Variants in TTLL7 observed in about 807,000 individuals in gnomAD.
TTLL7 encodes tubulin tyrosine ligase like 7.
In TTLL7, 53 loss-of-function variants were observed where a neutral mutation model predicts 120.2. The ratio of observed to expected loss-of-function variants is 0.44; its 90% CI spans 0.35 to 0.55. The LOEUF (loss-of-function observed/expected upper bound fraction) is 0.55. Ranked by LOEUF, TTLL7 falls within the 20% of genes least tolerant of loss-of-function variation. TTLL7 has a pLI of 0.00. For synonymous variants in TTLL7, 353 were observed against 351.7 expected (o/e 1.00, Z -0.04); for missense variants, 803 against 1,054.7 (o/e 0.76, Z 3.31).
intron 14 of TTLL7, 50 bp from the exon 15 acceptor site, chr1:83,911,413 T>C: frequency 7.0e-7 from 1 of 1,432,214 alleles, no homozygotes; most frequent in Non-Finnish European, 9.6e-7. Context: ...AAAAAAGGTT[T>C]ATTGATATGA....
At chr1:83,977,386 G>A (rs188115308) in intron 1 of TTLL7, among the ~76,000 whole-genome samples, 8 of 152,090 alleles carry the variant, frequency 5.3e-5, no homozygotes. Flanking sequence ...TTTCTGGAAT[G>A]TTAACCTTCA....
At chr1:83,918,224 A>C (rs755717626) in intron 13 of TTLL7, among the ~76,000 whole-genome samples, 1 of 152,168 alleles carries the variant, frequency 6.6e-6, no homozygotes, top group Non-Finnish European at 1.5e-5. Context: ...TTAGAACTTT[A>C]TAAAGGTTTT....
At position 83,949,954 on chromosome 1, in the gene TTLL7, T is replaced by C. The variant is rs1248788987; in HGVS notation, c.190A>G (p.Lys64Glu). 1.9e-6 allele frequency: 3 copies of C among 1,613,424 alleles called. No individual in the cohort carries two copies. The highest frequency in any genetic ancestry group is 2.5e-6 in the Non-Finnish European group (3 of 1,179,794). ...CTTGTTTCATCCTCATCTGGAGTTT[T>C]CATAAATCCCATTTCATCTATTACT... is the stretch of plus-strand genomic sequence containing the variant. ...RLVIDEMGFMKTPDEDETSNL... is the reference protein window; with the variant it reads ...RLVIDEMGFMETPDEDETSNL... Residue 64 changes from lysine (K) to glutamate (E), a missense_variant, in exon 4 of 21, where the codon AAA becomes GAA. Physicochemically the swap from Lys to Glu is moderately conservative, Grantham distance 56 (BLOSUM62 1). Coordinates refer to ENST00000260505, the MANE Select transcript of TTLL7 (RefSeq NM_024686.6).
chr1:83,888,422 G>A (rs1557549840), intron 19 of TTLL7, among the ~76,000 whole-genome samples: 1 of 151,410 alleles, frequency 6.6e-6, no homozygotes, highest in Non-Finnish European at 1.5e-5. Flanking sequence ...TTGGTTAATG[G>A]CAGCTAAAAA....
At chr1:83,940,961 G>A (rs1043608493) in intron 7 of TTLL7, among the ~76,000 whole-genome samples, 4 of 151,952 alleles carry the variant, frequency 2.6e-5, no homozygotes, top group African/African-American at 9.7e-5. Flanking sequence ...TGGTTTCTAG[G>A]ACTCACCATC....
chr1:83,908,265 T>C (rs1055617433), intron 15 of TTLL7, among the ~76,000 whole-genome samples: 5 of 151,838 alleles, frequency 3.3e-5, no homozygotes, highest in Non-Finnish European at 5.9e-5. Context: ...GCAAGATTCA[T>C]AGGGAGGGCT....
intron 4 of TTLL7, 73 bp downstream of exon 4, chr1:83,949,792 C>A: frequency 6.5e-7 from 1 of 1,533,312 alleles, no homozygotes; most frequent in Non-Finnish European, 8.9e-7. Context: ...ATATTAAGAA[C>A]CTATCTAAAA....
At chr1:83,907,023 A>G (rs905047681) in intron 16 of TTLL7, among the ~76,000 whole-genome samples, 2 of 152,092 alleles carry the variant, frequency 1.3e-5, no homozygotes, top group Admixed American at 6.6e-5. Flanking sequence ...AACATACAGA[A>G]CACATTATAA....
chr1:83,936,452 C>G (rs1005423364), intron 8 of TTLL7, among the ~76,000 whole-genome samples: 4 of 152,156 alleles, frequency 2.6e-5, no homozygotes, highest in African/African-American at 9.7e-5. Context: ...ATAGTATGAT[C>G]TTCCATCAAT....
rs1653595617 is a variant in TTLL7, at chr1:83,873,165, G to A, written c.2544-3083C>T. On this transcript the variant is annotated intron_variant, in intron 20 of 20. Coordinates refer to ENST00000260505, the MANE Select transcript of TTLL7 (RefSeq NM_024686.6). ...AAACCTAAACTTTTTCATAGAAGCA[G>A]AAAAAGATGAAACTTTTTATTAAGA... is the stretch of plus-strand genomic sequence containing the variant. 2.6e-5 allele frequency among the ~76,000 whole-genome samples: 4 copies of A among 152,210 alleles called. No individual in the cohort carries two copies. The South Asian group carries it at 6.2e-4, about 24-fold the overall frequency.
chr1:83,869,535 T>C lies in TTLL7; in HGVS notation c.*427A>G, dbSNP rs1430202917. On this transcript the variant is annotated 3_prime_UTR_variant, in exon 21 of 21. Coordinates refer to ENST00000260505, the MANE Select transcript of TTLL7 (RefSeq NM_024686.6). The stretch of plus-strand genomic sequence containing the variant: ...ATATATGAGAATTTTTAAGGTATTA[T>C]ACTAAACCCTTTTTCAGGTCAAAAG... 2 of 153,998 alleles carry C rather than the reference T, an allele frequency of 1.3e-5. No individual in the cohort carries two copies. The highest frequency in any genetic ancestry group is 3.8e-4 in the East Asian group (2 of 5,236). 9.5% of individuals were successfully genotyped at this position (153,998 alleles called of 1,614,324 possible).
intron 8 of TTLL7, among the ~76,000 whole-genome samples, chr1:83,935,258 G>A (rs1464867630): frequency 4.6e-5 from 7 of 152,114 alleles, no homozygotes; most frequent in South Asian, 2.1e-4. Flanking sequence ...AACTTTGACT[G>A]ATAAGTATCT....
At chr1:83,892,407 TATATATGAACATATATATGA>T (rs1655639883) in intron 18 of TTLL7, among the ~76,000 whole-genome samples, 1 of 127,248 alleles carries the variant, frequency 7.9e-6, no homozygotes, top group Non-Finnish European at 1.7e-5. Context: ...TATATGAACA[TATATATGAACATATATATGA>T]ACATATATAT....
chr1:83,991,451 G>C (rs1163243976), intron 1 of TTLL7, among the ~76,000 whole-genome samples: 6 of 152,112 alleles, frequency 3.9e-5, no homozygotes, highest in Admixed American at 1.3e-4. Context: ...TTTGAGACCA[G>C]CTTGGGCAAT....
intron 10 of TTLL7, among the ~76,000 whole-genome samples, chr1:83,926,142 A>G (rs756651824): frequency 6.5e-4 from 99 of 151,876 alleles, no homozygotes; most frequent in Non-Finnish European, 1.1e-3. Context: ...CAGTAAATAC[A>G]TATGAGTGAT....
Position 83,947,314 on chromosome 1 carries a change from T to A in TTLL7, c.348-32A>T, listed in dbSNP as rs773419802. 1.9e-6 allele frequency: 3 copies of A among 1,560,120 alleles called. No individual in the cohort carries two copies. In the South Asian group the frequency reaches 3.6e-5, roughly 19 times the overall value. ...ATTGGACATAATAGGAAAAATAATT[T>A]CTATTCAAACTAGCATATATTTTCT... On this transcript the variant is annotated intron_variant, in intron 5 of 20. Transcript: ENST00000260505.
At chr1:83,894,832 GCATTC>G (rs1656075641) in intron 18 of TTLL7, among the ~76,000 whole-genome samples, 1 of 152,008 alleles carries the variant, frequency 6.6e-6, no homozygotes, top group Admixed American at 6.6e-5. Context: ...CTGGGAACAC[GCATTC>G]CTCTTTGCTT....
At chr1:83,928,178 C>T (rs1345875443) in intron 10 of TTLL7, among the ~76,000 whole-genome samples, 1 of 152,048 alleles carries the variant, frequency 6.6e-6, no homozygotes, top group African/African-American at 2.4e-5. Flanking sequence ...AAACACAAGG[C>T]TTATTTAAAT....
intron 15 of TTLL7, among the ~76,000 whole-genome samples, chr1:83,909,446 A>G (rs954531448): frequency 1.3e-5 from 2 of 151,952 alleles, no homozygotes; most frequent in Non-Finnish European, 2.9e-5. Context: ...AGTGTTACAC[A>G]TAATCTGGAT....
Sources: gnomAD v4.1 joint callset for allele counts (sites outside exome capture counted in the v4.1 genomes callset) on GRCh38, gnomAD v4.1.1 for gene constraint, MANE v1.5 for transcripts, NCBI Gene and HGNC (gene_info 2026-07-23, HGNC 2026-07-21) for gene names.